Variants in SPATA13 observed in about 807,000 individuals in gnomAD.
SPATA13 encodes the protein spermatogenesis associated 13, also known as spermatogenesis-associated protein 13.
SPATA13 carries 50 observed loss-of-function variants against 104.0 expected under a neutral mutation model. The observed-to-expected ratio is 0.48, with a 90% CI of 0.38 to 0.61. The LOEUF (loss-of-function observed/expected upper bound fraction) is 0.61. SPATA13 is among the 20% of genes least tolerant of loss of function. The pLI is 0.00. For missense variants in SPATA13, 1,524 were observed against 1,690.6 expected (o/e 0.90, Z 1.73); for synonymous variants, 606 against 667.5 (o/e 0.91, Z 1.42).
chr13:24,038,012 C>T (rs1484542232), intron 3 of SPATA13, among the ~76,000 whole-genome samples: 1 of 151,782 alleles, frequency 6.6e-6, no homozygotes, highest in African/African-American at 2.4e-5. Context: ...CCCGGGTTCA[C>T]GCCATTCTCC....
At chr13:23,982,838 A>G (rs1319374867) in intron 1 of SPATA13, among the ~76,000 whole-genome samples, 2 of 152,150 alleles carry the variant, frequency 1.3e-5, no homozygotes, top group African/African-American at 4.8e-5. Flanking sequence ...TGCCATTGCA[A>G]ACCAGGTACA....
At chr13:23,996,511 A>G (rs1295469059) in intron 2 of SPATA13, among the ~76,000 whole-genome samples, 1 of 152,224 alleles carries the variant, frequency 6.6e-6, no homozygotes, top group Non-Finnish European at 1.5e-5. Flanking sequence ...AGAGGAAAGA[A>G]AGTCACCTAA....
intron 3 of SPATA13, among the ~76,000 whole-genome samples, chr13:24,130,419 G>C (rs539874139): frequency 6.6e-6 from 1 of 152,340 alleles, no homozygotes; most frequent in African/African-American, 2.4e-5. Flanking sequence ...TAGAGAGAAG[G>C]CATGAATCAG....
At chr13:24,004,993 G>T (rs1876158848) in intron 2 of SPATA13, among the ~76,000 whole-genome samples, 1 of 152,280 alleles carries the variant, frequency 6.6e-6, no homozygotes, top group African/African-American at 2.4e-5. Context: ...ATCTGAAAAT[G>T]AATCTACATT....
chr13:24,154,366 G>A (rs1279922449), intron 3 of SPATA13, among the ~76,000 whole-genome samples: 4 of 152,168 alleles, frequency 2.6e-5, no homozygotes, highest in Non-Finnish European at 5.9e-5. Flanking sequence ...ATGAACAAGT[G>A]TTACACAGAG....
At chr13:24,257,000 C>T (rs1350843606) in intron 4 of SPATA13, among the ~76,000 whole-genome samples, 2 of 152,170 alleles carry the variant, frequency 1.3e-5, no homozygotes, top group Non-Finnish European at 2.9e-5. Flanking sequence ...AAGCTTTTCT[C>T]TTTCATTTGA....
chr13:24,181,502 G>C (rs1868804331), intron 1 of SPATA13, among the ~76,000 whole-genome samples: 1 of 151,548 alleles, frequency 6.6e-6, no homozygotes, highest in Non-Finnish European at 1.5e-5. Flanking sequence ...ATTAAAATTT[G>C]TTTTGCACTT....
intron 2 of SPATA13, among the ~76,000 whole-genome samples, chr13:23,994,860 A>G (rs1046414156): frequency 1.2e-4 from 18 of 152,228 alleles, no homozygotes; most frequent in African/African-American, 4.3e-4. Flanking sequence ...GCCAAAAGGC[A>G]GATTAAAAGT....
intron 3 of SPATA13, chr13:24,122,206 T>C (rs1416601691): frequency 4.8e-6 from 7 of 1,466,484 alleles, no homozygotes; most frequent in Non-Finnish European, 5.7e-6. Context: ...CTATATACTG[T>C]AACTGTTTTC....
At chr13:24,287,823 C>T (rs546521315) in intron 7 of SPATA13, among the ~76,000 whole-genome samples, 1 of 152,346 alleles carries the variant, frequency 6.6e-6, no homozygotes, top group Admixed American at 6.5e-5. Context: ...TTTTGTGCTT[C>T]TATGGATTGT....
intron 2 of SPATA13, among the ~76,000 whole-genome samples, chr13:24,234,333 T>G (rs982406551): frequency 6.6e-6 from 1 of 152,222 alleles, no homozygotes; most frequent in Non-Finnish European, 1.5e-5. Flanking sequence ...AGTGAAGTAC[T>G]AAATACAGAA....
intron 2 of SPATA13, among the ~76,000 whole-genome samples, chr13:24,232,663 C>G (rs1185864422): frequency 6.6e-6 from 1 of 152,148 alleles, no homozygotes; most frequent in Non-Finnish European, 1.5e-5. Flanking sequence ...TGCCTCAGCA[C>G]CACCCCCACC....
chr13:24,068,146 C>T lies in SPATA13; in HGVS notation c.-112+50445C>T, dbSNP rs76164706. ...TGGCCATTAGTTACTTTGCCTGATC[C>T]TCTTTGCCTCTCACCCTCCACTCTC... On this transcript the variant is annotated intron_variant, in intron 3 of 14. Transcript: ENST00000424834. 2.9e-3 allele frequency among the ~76,000 whole-genome samples: 435 copies of T among 152,216 alleles called. 14 individuals carry two copies. The East Asian group carries it at 0.062, about 22-fold the overall frequency.
At chr13:24,198,246 G>A (rs576453402) in intron 1 of SPATA13, among the ~76,000 whole-genome samples, 3 of 152,136 alleles carry the variant, frequency 2.0e-5, no homozygotes, top group South Asian at 4.1e-4. Context: ...GCCCCCCTTG[G>A]CCTCCCAAAG....
At chr13:24,267,125 T>C (rs1271429638) in intron 4 of SPATA13, among the ~76,000 whole-genome samples, 2 of 152,174 alleles carry the variant, frequency 1.3e-5, no homozygotes, top group Non-Finnish European at 2.9e-5. Context: ...TCCAAAACTA[T>C]CTTAGAAGGG....
intron 3 of SPATA13, among the ~76,000 whole-genome samples, chr13:24,087,584 C>T (rs1029018986): frequency 1.3e-5 from 2 of 152,100 alleles, no homozygotes; most frequent in Non-Finnish European, 1.5e-5. Context: ...TGAATGATTC[C>T]AGTTTAAAGT....
chr13:24,057,021 C>G (rs1345996877), intron 3 of SPATA13, among the ~76,000 whole-genome samples: 1 of 147,460 alleles, frequency 6.8e-6, no homozygotes, highest in Admixed American at 6.8e-5. Flanking sequence ...CTCTCTCTCT[C>G]TCTCTCTCTC....
At chr13:24,002,838 C>T (rs1179154608) in intron 2 of SPATA13, among the ~76,000 whole-genome samples, 1 of 152,210 alleles carries the variant, frequency 6.6e-6, no homozygotes, top group Non-Finnish European at 1.5e-5. Flanking sequence ...TGTCTTTCCC[C>T]ATACACAGTG....
chr13:24,084,616 G>T (rs1879660426), intron 3 of SPATA13, among the ~76,000 whole-genome samples: 1 of 152,166 alleles, frequency 6.6e-6, no homozygotes, highest in Admixed American at 6.5e-5. Context: ...TGTCCTGAGG[G>T]TCTCTGGTGG....
Sources: allele counts gnomAD v4.1 joint callset (sites outside exome capture counted in the v4.1 genomes callset), GRCh38; gene constraint gnomAD v4.1.1; transcripts MANE v1.5; gene names NCBI Gene and HGNC (gene_info 2026-07-23, HGNC 2026-07-21).